Variants in SYNE2 observed in about 807,000 individuals in gnomAD.
SYNE2 encodes spectrin repeat containing nuclear envelope protein 2.
SYNE2 carries 431 observed loss-of-function variants against 856.3 expected under a neutral mutation model. The ratio of observed to expected loss-of-function variants is 0.50; its 90% CI spans 0.47 to 0.55. The LOEUF is 0.55. Ranked by LOEUF, SYNE2 falls within the 20% of genes least tolerant of loss-of-function variation. The probability of loss-of-function intolerance (pLI) is 0.00; values close to 1 mark genes in which losing one functional copy is unlikely to be tolerated. For synonymous variants in SYNE2, 2,923 were observed against 2,872.3 expected (o/e 1.02, Z -0.56); for missense variants, 8,129 against 8,023.2 (o/e 1.01, Z -0.50).
chr14:64,087,361 G>A lies in SYNE2; in HGVS notation c.11485-310G>A, dbSNP rs937073771. On this transcript the variant is annotated intron_variant, in intron 57 of 115. Transcript: ENST00000555002. Reference sequence around the variant, plus strand: ...ATCTTAAATTTGAAAGTTATTACATGTATGAAAGGGCTTATTATGTATAAT... The same window carrying A: ...ATCTTAAATTTGAAAGTTATTACATATATGAAAGGGCTTATTATGTATAAT... 54 of 528,694 alleles carry A rather than the reference G, an allele frequency of 1.0e-4. 1 individual carries two copies. The highest frequency in any genetic ancestry group is 5.3e-4 in the South Asian group (35 of 66,636). The allele number at this position is 528,694 out of a possible 1,614,324, so 32.8% of individuals were successfully genotyped here.
intron 1 of SYNE2, among the ~76,000 whole-genome samples, chr14:63,818,339 C>T (rs866724422): frequency 5.7e-4 from 58 of 101,684 alleles, no homozygotes; most frequent in Non-Finnish European, 8.7e-4. Flanking sequence ...GTCAAGACTC[C>T]GTCTCAAAAA....
intron 9 of SYNE2, among the ~76,000 whole-genome samples, chr14:63,963,615 C>T (rs2096350954): frequency 6.6e-6 from 1 of 152,138 alleles, no homozygotes; most frequent in African/African-American, 2.4e-5. Context: ...TTCTGAAATG[C>T]CTGCTATAAA....
intron 1 of SYNE2, among the ~76,000 whole-genome samples, chr14:63,893,861 C>T (rs1189247014): frequency 1.3e-5 from 2 of 152,012 alleles, no homozygotes; most frequent in African/African-American, 4.8e-5. Flanking sequence ...CAAGGATGTC[C>T]GTAGTATACT....
At chr14:64,191,025 T>C (rs148880073) in intron 99 of SYNE2, 2 of 702,300 alleles carry the variant, frequency 2.8e-6, no homozygotes, top group Admixed American at 4.0e-5. Context: ...ACGGGTCCTT[T>C]CCATAGCAGT....
chr14:64,015,392 T>C (rs2096884794), intron 32 of SYNE2, among the ~76,000 whole-genome samples: 1 of 152,070 alleles, frequency 6.6e-6, no homozygotes, highest in Non-Finnish European at 1.5e-5. Flanking sequence ...GCAATTCCCA[T>C]TATGTATTTA....
chr14:64,120,882 T>C (rs1479778195), intron 67 of SYNE2, 45 bp from the exon 68 acceptor site: 1 of 1,609,466 alleles, frequency 6.2e-7, no homozygotes, highest in African/African-American at 1.3e-5. Context: ...AAAGTGGAGT[T>C]TATTTTTAAA....
chr14:63,799,455 G>C (rs1445187057), intron 1 of SYNE2, among the ~76,000 whole-genome samples: 3 of 151,392 alleles, frequency 2.0e-5, no homozygotes, highest in African/African-American at 7.3e-5. Flanking sequence ...CAGCACTTTG[G>C]GAGGCTGAGG....
chr14:63,926,193 A>T (rs1241401283), intron 2 of SYNE2, among the ~76,000 whole-genome samples: 1 of 151,816 alleles, frequency 6.6e-6, no homozygotes, highest in Admixed American at 6.6e-5. Flanking sequence ...CATACCTTTT[A>T]ACTGTCACCC....
chr14:64,049,463 T>TC, intron 46 of SYNE2, 148 bp from the exon 47 acceptor site: 1 of 272,658 alleles, frequency 3.7e-6, no homozygotes, highest in Non-Finnish European at 6.2e-6. Flanking sequence ...TAATAATTTT[T>TC]AAAGGTTACA....
chr14:64,037,965 C>A (rs528458885), intron 45 of SYNE2, among the ~76,000 whole-genome samples: 1 of 151,798 alleles, frequency 6.6e-6, no homozygotes, highest in African/African-American at 2.4e-5. Flanking sequence ...CCCTCCCGGA[C>A]GGGGCGGCTG....
At chr14:64,092,589 G>C (rs1427796426) in intron 60 of SYNE2, among the ~76,000 whole-genome samples, 1 of 152,172 alleles carries the variant, frequency 6.6e-6, no homozygotes, top group Non-Finnish European at 1.5e-5. Flanking sequence ...ATTTCGTGTT[G>C]GCTAGAAACT....
intron 108 of SYNE2, 28 bp downstream of exon 108, chr14:64,216,415 GC>G (rs772219857): frequency 5.0e-6 from 8 of 1,611,078 alleles, no homozygotes; most frequent in Middle Eastern, 1.7e-4. Flanking sequence ...TGGGAGTACA[GC>G]CTATGTCTGT....
chr14:63,795,699 C>A (rs758149742), intron 1 of SYNE2, among the ~76,000 whole-genome samples: 1 of 152,078 alleles, frequency 6.6e-6, no homozygotes, highest in Admixed American at 6.6e-5. Context: ...TGCCCAGCAA[C>A]GTGAATGTTC....
At chr14:64,044,792 G>C (rs1026274351) in intron 45 of SYNE2, among the ~76,000 whole-genome samples, 1 of 152,086 alleles carries the variant, frequency 6.6e-6, no homozygotes, top group Non-Finnish European at 1.5e-5. Context: ...TGTAAGATAT[G>C]ACTTACTCCT....
At chr14:63,813,577 G>C (rs890005060) in intron 1 of SYNE2, among the ~76,000 whole-genome samples, 1 of 152,146 alleles carries the variant, frequency 6.6e-6, no homozygotes, top group Non-Finnish European at 1.5e-5. Context: ...GGTGGATCAC[G>C]AGGTCAGGAG....
At chr14:64,063,237 G>A (rs1382676403) in intron 50 of SYNE2, among the ~76,000 whole-genome samples, 20 of 152,064 alleles carry the variant, frequency 1.3e-4, no homozygotes, top group Admixed American at 1.2e-3. Flanking sequence ...TAGTAGAGAC[G>A]GGGTTTCACA....
intron 1 of SYNE2, among the ~76,000 whole-genome samples, chr14:63,840,693 T>C (rs1321702931): frequency 6.6e-6 from 1 of 152,088 alleles, no homozygotes; most frequent in African/African-American, 2.4e-5. Context: ...GATATATCCC[T>C]TCACTTCTTT....
chr14:64,042,825 G>A (rs920541651), intron 45 of SYNE2, among the ~76,000 whole-genome samples: 2 of 152,074 alleles, frequency 1.3e-5, no homozygotes, highest in Non-Finnish European at 2.9e-5. Context: ...AACTAATACC[G>A]TAAATAGGTA....
rs766716647 is a variant in SYNE2, at chr14:64,080,440, C to G, written c.11164-16C>G. ...TGACCTCTTCATTCAAGTTGACTTACGATTTCCTTCTCCAGAAAATGTGGG... is the reference window on the plus strand; with the variant it reads ...TGACCTCTTCATTCAAGTTGACTTAGGATTTCCTTCTCCAGAAAATGTGGG... On this transcript the variant is annotated splice_polypyrimidine_tract_variant and intron_variant, in intron 55 of 115. Coordinates refer to ENST00000555002, the MANE Select transcript of SYNE2 (RefSeq NM_182914.3). The G allele has an allele frequency of 9.9e-6, 16 of 1,613,730 alleles. No individual in the cohort carries two copies. The highest frequency in any genetic ancestry group is 1.4e-5 in the Non-Finnish European group (16 of 1,179,846).
Sources: allele counts gnomAD v4.1 joint callset (sites outside exome capture counted in the v4.1 genomes callset), GRCh38; gene constraint gnomAD v4.1.1; transcripts MANE v1.5; gene names NCBI Gene and HGNC (gene_info 2026-07-23, HGNC 2026-07-21).